Variants in CRELD2 observed in about 807,000 individuals in gnomAD.
The protein encoded by CRELD2 is CRELD disulfide isomerase 2.
In CRELD2, 33 loss-of-function variants were observed where a neutral mutation model predicts 48.1. The observed-to-expected ratio is 0.69, with a 90% CI of 0.52 to 0.92. CRELD2 has a LOEUF of 0.92. CRELD2 is among the 40% of genes least tolerant of loss of function. CRELD2 has a pLI of 0.00. For synonymous variants in CRELD2, 220 were observed against 203.9 expected (o/e 1.08, Z -0.67); for missense variants, 477 against 482.4 (o/e 0.99, Z 0.10).
chr22:49,919,373 C>T (rs2060652764), intron 2 of CRELD2, 61 bp downstream of exon 2: 2 of 1,482,110 alleles, frequency 1.3e-6, no homozygotes, highest in African/African-American at 2.8e-5. Flanking sequence ...AAGTCGTGTC[C>T]TGCCTTTGGT....
rs745856114 is a variant in CRELD2 at position 49,919,304 on chromosome 22, C to T, written c.204C>T (p.Tyr68=). 5 of 1,613,528 alleles carry T rather than the reference C, an allele frequency of 3.1e-6. No homozygotes were observed. The highest frequency in any genetic ancestry group is 2.2e-5 in the South Asian group (2 of 91,088). Residue 68 remains tyrosine (Y), a synonymous_variant, in exon 2 of 10, where the codon TAC becomes TAT. Transcript: ENST00000328268. ...TAWEEKTLSK[Y]ESSEIRLLEI... is the part of the protein sequence containing the mutation. ...GGGAGGAAAAGACGCTGTCCAAGTA[C>T]GAGTCCAGGTGGGTGCCCTGGAGCA...
intron 8 of CRELD2, 116 bp downstream of exon 8, chr22:49,924,571 G>A (rs368465978): frequency 4.3e-6 from 3 of 699,218 alleles, no homozygotes; most frequent in Non-Finnish European, 7.3e-6. Flanking sequence ...TCCTGCAGAC[G>A]TGGCTCCCCC....
At chr22:49,922,932 G>GGA (rs2060716320) in intron 6 of CRELD2, among the ~76,000 whole-genome samples, 2 of 76,368 alleles carry the variant, frequency 2.6e-5, no homozygotes, top group Admixed American at 1.1e-4. Flanking sequence ...TGAGGTGGGG[G>GGA]CGTGAGGTGT....
intron 6 of CRELD2, among the ~76,000 whole-genome samples, chr22:49,922,974 G>A (rs2060716962): frequency 6.6e-6 from 1 of 150,912 alleles, no homozygotes; most frequent in Non-Finnish European, 1.5e-5. Context: ...CTCACACAAT[G>A]TGTCGCCATC....
In CRELD2 at chr22:49,922,603, G is replaced by A; in HGVS notation, c.593-9G>A. On this transcript the variant is annotated splice_polypyrimidine_tract_variant and intron_variant, in intron 5 of 9. Transcript: ENST00000328268. ...GGGGTTTGTACCCAGGCCCGCCTTT[G>A]CCTTCCAGCCTGTGACGAGTCCTGC... The A allele has an allele frequency of 6.5e-7, 1 of 1,537,282 alleles. No individual in the cohort carries two copies. Among genetic ancestry groups the A allele is most frequent in the Non-Finnish European group, 8.8e-7 (1 of 1,135,062 alleles).
Position 49,927,322 on chromosome 22 carries a change from C to G in CRELD2, c.*15C>G. 1 of 1,607,738 alleles carries G rather than the reference C, an allele frequency of 6.2e-7. No individual in the cohort carries two copies. The highest frequency in any genetic ancestry group is 8.5e-7 in the Non-Finnish European group (1 of 1,175,578). On this transcript the variant is annotated 3_prime_UTR_variant, in exon 10 of 10. Coordinates refer to ENST00000328268, the MANE Select transcript of CRELD2 (RefSeq NM_024324.5). ...AAGACCTGTAATGTGCCGGACTTAC[C>G]CTTTAAATTATTCAGAAGGATGTCC...
chr22:49,919,158 C>G (rs960929030), intron 1 of CRELD2, 72 bp from the exon 2 acceptor site: 1 of 956,976 alleles, frequency 1.0e-6, no homozygotes, highest in African/African-American at 3.2e-5. Flanking sequence ...CCCTCACCCT[C>G]GACCTGGGCT....
At position 49,920,189 on chromosome 22, in the gene CRELD2, T is replaced by G. The variant is rs1243842866; in HGVS notation, c.357T>G (p.Phe119Leu). Residue 119 changes from phenylalanine (F) to leucine (L), a missense_variant, in exon 4 of 10, where the codon TTT (phenylalanine) becomes TTG (leucine). Coordinates refer to ENST00000328268, the MANE Select transcript of CRELD2 (RefSeq NM_024324.5). ...KSEYPDLFEW[F>L]CVKTLKVCCS... ...AATATCCTGACTTATTCGAGTGGTT[T>G]TGTGTGAAGACACTGAAAGTGTGCT... 2 of 1,613,406 alleles carry G rather than the reference T, an allele frequency of 1.2e-6. No homozygotes were observed. Among genetic ancestry groups the G allele is most frequent in the Non-Finnish European group, 1.7e-6 (2 of 1,179,678 alleles).
intron 1 of CRELD2, 44 bp from the exon 2 acceptor site, chr22:49,919,186 C>A: frequency 1.3e-6 from 2 of 1,590,938 alleles, no homozygotes; most frequent in Non-Finnish European, 1.7e-6. Context: ...ACCCTGGACC[C>A]GGGTCAGGTG....
At position 49,924,382 on chromosome 22, in the gene CRELD2, C is replaced by T. The variant is rs1481660696; in HGVS notation, c.795C>T (p.Gly265=). 1 of 1,612,168 alleles carries T rather than the reference C, an allele frequency of 6.2e-7. No individual in the cohort carries two copies. The highest frequency in any genetic ancestry group is 1.1e-5 in the South Asian group (1 of 90,726). ...TCEECDSSCV[G]CTGEGPGNCK... is the part of the protein sequence containing the mutation. ...CAGAGTGTGACTCCAGCTGTGTGGG[C>T]TGCACAGGGGAAGGCCCAGGAAACT... Residue 265 remains glycine (G), a synonymous_variant, in exon 8 of 10, where the codon GGC becomes GGT. Coordinates refer to ENST00000328268, the MANE Select transcript of CRELD2 (RefSeq NM_024324.5).
At position 49,921,734 on chromosome 22, in the gene CRELD2, C is replaced by T. The variant is rs74510325; in HGVS notation, c.565C>T (p.Arg189Trp). Residue 189 changes from arginine (R) to tryptophan (W), a missense_variant, in exon 5 of 10, where the codon CGG (arginine) becomes TGG (tryptophan). Physicochemically the swap from Arg to Trp is moderately radical, Grantham distance 101. Coordinates refer to ENST00000328268, the MANE Select transcript of CRELD2 (RefSeq NM_024324.5). ...CATGGACGGCTACTTCAGCTCGCTC[C>T]GGAACGAGACCCACAGCATCTGCAC... Reference protein sequence around the residue: ...DCMDGYFSSLRNETHSICTAC... With the variant: ...DCMDGYFSSLWNETHSICTAC... 22 of 1,612,290 alleles carry T rather than the reference C, an allele frequency of 1.4e-5. No homozygotes were observed. The highest frequency in any genetic ancestry group is 8.0e-5 in the African/African-American group (6 of 75,048).
In CRELD2 at chr22:49,919,760, G is replaced by A; in HGVS notation, c.243G>A (p.Gly81=). Residue 81 remains glycine (G), a synonymous_variant, in exon 3 of 10, where the codon GGG becomes GGA. Coordinates refer to ENST00000328268, the MANE Select transcript of CRELD2 (RefSeq NM_024324.5). ...SEIRLLEILE[G]LCESSDFECN... ...TTCGCCTGCTGGAGATCCTGGAGGG[G>A]CTGTGCGAGAGCAGCGACTTCGAAT... 6.2e-7 allele frequency: 1 copy of A among 1,612,034 alleles called. No individual in the cohort carries two copies. Among genetic ancestry groups the A allele is most frequent in the African/African-American group, 1.3e-5 (1 of 74,974 alleles).
intron 6 of CRELD2, 57 bp downstream of exon 6, chr22:49,922,764 G>GGCGTGGGGGCGGGAGGC (rs2060706080): frequency 1.5e-6 from 1 of 677,546 alleles, no homozygotes; most frequent in African/African-American, 2.1e-5. Context: ...GGGGGTGTGA[G>GGCGTGGGGGCGGGAGGC]ATGGGGGCGT....
rs756043231 is a variant in CRELD2 at position 49,920,183 on chromosome 22, G to A, written c.351G>A (p.Glu117=). ...AGAGCGAATATCCTGACTTATTCGA[G>A]TGGTTTTGTGTGAAGACACTGAAAG... ...QLKSEYPDLF[E]WFCVKTLKVC... is the part of the protein sequence containing the mutation. Residue 117 remains glutamate (E), a synonymous_variant, in exon 4 of 10, where the codon GAG becomes GAA. Transcript: ENST00000328268. 2.5e-6 allele frequency: 4 copies of A among 1,613,142 alleles called. No homozygotes were observed. In the East Asian group the frequency reaches 6.7e-5, roughly 27 times the overall value.
Position 49,920,193 on chromosome 22 carries a change from G to A in CRELD2, c.361G>A (p.Val121Met). The A allele has an allele frequency of 3.1e-6, 5 of 1,613,518 alleles. No individual in the cohort carries two copies. Among genetic ancestry groups the A allele is most frequent in the Non-Finnish European group, 2.5e-6 (3 of 1,179,748 alleles). The change falls in exon 4 of 10, where the codon GTG (valine) becomes ATG (methionine). Residue 121 changes from valine to methionine, a missense_variant. Coordinates refer to ENST00000328268, the MANE Select transcript of CRELD2 (RefSeq NM_024324.5). ...TCCTGACTTATTCGAGTGGTTTTGT[G>A]TGAAGACACTGAAAGTGTGCTGCTC... ...EYPDLFEWFCVKTLKVCCSPG... is the reference protein window; with the variant it reads ...EYPDLFEWFCMKTLKVCCSPG...
In CRELD2 at chr22:49,924,275, G is replaced by A. The variant is rs940215019; in HGVS notation, c.773-85G>A. On this transcript the variant is annotated intron_variant, in intron 7 of 9. Transcript: ENST00000328268. ...ATGAGGAGAAAACCCAAATCCTGGC[G>A]GCACCGGTGCCTTGTGCATGTCGGG... The A allele has an allele frequency of 1.2e-5, 11 of 898,710 alleles. 1 individual carries two copies. The highest frequency in any genetic ancestry group is 8.0e-5 in the East Asian group (3 of 37,680). 55.7% of individuals were successfully genotyped at this position (898,710 alleles called of 1,614,324 possible). A position where few individuals can be genotyped will look rare whatever the true frequency, so the allele number is the denominator to read the frequency against.
intron 1 of CRELD2, 86 bp downstream of exon 1, chr22:49,918,984 G>A (rs1480951562): frequency 9.4e-6 from 11 of 1,175,022 alleles, no homozygotes; most frequent in African/African-American, 1.6e-5. Flanking sequence ...TTGGGCCCAG[G>A]GTCGCCCTCA....
At position 49,921,773 on chromosome 22, in the gene CRELD2, G is replaced by T; in HGVS notation, c.592+12G>T. The T allele has an allele frequency of 1.3e-6, 2 of 1,597,228 alleles. No homozygotes were observed. The highest frequency in any genetic ancestry group is 1.1e-5 in the South Asian group (1 of 90,336). On this transcript the variant is annotated intron_variant, in intron 5 of 9. Transcript: ENST00000328268. ...CAGCATCTGCACAGGTACGGGCTACGCCTGGGCTGGCCCCGGGGTTGAGGC... is the reference window on the plus strand; with the variant it reads ...CAGCATCTGCACAGGTACGGGCTACTCCTGGGCTGGCCCCGGGGTTGAGGC...
chr22:49,921,377 G>T (rs968063980), intron 4 of CRELD2: 1 of 581,452 alleles, frequency 1.7e-6, no homozygotes, highest in African/African-American at 1.9e-5. Context: ...TGAAGCCCAG[G>T]AGCCTGTGGC....
Sources: gnomAD v4.1 joint callset for allele counts (sites outside exome capture counted in the v4.1 genomes callset) on GRCh38, gnomAD v4.1.1 for gene constraint, MANE v1.5 for transcripts, NCBI Gene and HGNC (gene_info 2026-07-23, HGNC 2026-07-21) for gene names.